Variants in PAX5 observed in about 807,000 individuals in gnomAD.
PAX5 encodes paired box 5, also known as paired box protein Pax-5.
A neutral mutation model predicts 43.7 loss-of-function variants in PAX5; 9 were observed. The ratio of observed to expected loss-of-function variants is 0.21; its 90% CI spans 0.12 to 0.36. The LOEUF (loss-of-function observed/expected upper bound fraction) is 0.36. Ranked by LOEUF, PAX5 falls within the 10% of genes least tolerant of loss-of-function variation. The pLI, the probability that PAX5 is intolerant of heterozygous loss-of-function variation, is 1.00. For missense variants in PAX5, 383 were observed against 532.7 expected (o/e 0.72, Z 2.77); for synonymous variants, 228 against 214.3 (o/e 1.06, Z -0.56).
At chr9:37,000,198 C>G (rs750599316) in intron 5 of PAX5, among the ~76,000 whole-genome samples, 1 of 152,144 alleles carries the variant, frequency 6.6e-6, no homozygotes, top group Non-Finnish European at 1.5e-5. Context: ...TTATGCAATA[C>G]CCCCGACAGA....
chr9:36,989,447 C>T (rs1836741175), intron 5 of PAX5, among the ~76,000 whole-genome samples: 1 of 152,086 alleles, frequency 6.6e-6, no homozygotes, highest in Non-Finnish European at 1.5e-5. Context: ...AGAGTATCCA[C>T]CTGGTACAGT....
At chr9:37,027,292 A>T (rs557617078) in intron 1 of PAX5, among the ~76,000 whole-genome samples, 1 of 152,226 alleles carries the variant, frequency 6.6e-6, no homozygotes, top group African/African-American at 2.4e-5. Context: ...GCCCTCCAAC[A>T]CTGAGACCCG....
chr9:36,886,235 T>C (rs1475799124), intron 7 of PAX5, among the ~76,000 whole-genome samples: 2 of 152,184 alleles, frequency 1.3e-5, no homozygotes, highest in Non-Finnish European at 2.9e-5. Context: ...TGGGGGGCAT[T>C]TGCTAAGCAG....
intron 5 of PAX5, among the ~76,000 whole-genome samples, chr9:36,984,787 A>T (rs1014450595): frequency 6.6e-6 from 1 of 152,136 alleles, no homozygotes; most frequent in Non-Finnish European, 1.5e-5. Flanking sequence ...GGAAAACAGT[A>T]TTGGTACATA....
chr9:37,029,271 G>A (rs1340441813), intron 1 of PAX5, among the ~76,000 whole-genome samples: 1 of 152,104 alleles, frequency 6.6e-6, no homozygotes, highest in Non-Finnish European at 1.5e-5. Context: ...CTCTACGCAT[G>A]CTCTACTTCT....
At chr9:36,962,836 A>C (rs1288467737) in intron 6 of PAX5, among the ~76,000 whole-genome samples, 1 of 152,150 alleles carries the variant, frequency 6.6e-6, no homozygotes, top group Non-Finnish European at 1.5e-5. Context: ...AATCTGCTCG[A>C]AAATGGAAGA....
chr9:36,958,608 G>A (rs902910088), intron 6 of PAX5, among the ~76,000 whole-genome samples: 3 of 152,070 alleles, frequency 2.0e-5, no homozygotes, highest in Non-Finnish European at 2.9e-5. Context: ...CAGCAACGTC[G>A]CTTATACCCT....
At chr9:37,008,156 T>C (rs1739182405) in intron 3 of PAX5, 1 of 152,184 alleles carries the variant, frequency 6.6e-6, no homozygotes, top group Non-Finnish European at 1.5e-5. Context: ...GCCCCTAGGG[T>C]TCAACTGATT....
intron 7 of PAX5, among the ~76,000 whole-genome samples, chr9:36,904,009 A>G (rs546500046): frequency 2.0e-5 from 3 of 152,282 alleles, no homozygotes; most frequent in African/African-American, 7.2e-5. Flanking sequence ...CACCACTTAC[A>G]AGCTGTGTGA....
At chr9:36,981,885 A>G (rs2132280317) in intron 5 of PAX5, among the ~76,000 whole-genome samples, 1 of 152,388 alleles carries the variant, frequency 6.6e-6, no homozygotes, top group Middle Eastern at 3.4e-3. Flanking sequence ...TCCAAGTGAG[A>G]GAGTGCTGTC....
intron 5 of PAX5, among the ~76,000 whole-genome samples, chr9:37,002,420 T>A (rs1437357580): frequency 1.3e-5 from 2 of 152,182 alleles, no homozygotes; most frequent in African/African-American, 4.8e-5. Flanking sequence ...GGGGTGACCA[T>A]GGGGGAGGCC....
At chr9:36,888,830 C>G (rs1281434051) in intron 7 of PAX5, among the ~76,000 whole-genome samples, 9 of 152,184 alleles carry the variant, frequency 5.9e-5, no homozygotes, top group Non-Finnish European at 1.0e-4. Context: ...TCTGCTCTCC[C>G]TTTCACACAG....
At chr9:36,844,254 CT>C (rs940761931) in intron 9 of PAX5, among the ~76,000 whole-genome samples, 3 of 152,172 alleles carry the variant, frequency 2.0e-5, no homozygotes, top group African/African-American at 4.8e-5. Flanking sequence ...GTTGTTCAAA[CT>C]GCGACTCAGT....
chr9:36,974,716 C>G (rs1316488009), intron 5 of PAX5, among the ~76,000 whole-genome samples: 2 of 152,190 alleles, frequency 1.3e-5, no homozygotes, highest in African/African-American at 2.4e-5. Context: ...CTCCATGACA[C>G]TTTAACACGG....
At chr9:36,851,479 A>T (rs1816943167) in intron 8 of PAX5, among the ~76,000 whole-genome samples, 1 of 152,186 alleles carries the variant, frequency 6.6e-6, no homozygotes, top group Non-Finnish European at 1.5e-5. Context: ...AGCGGGATTG[A>T]GATGAAAGAA....
chr9:36,886,784 T>C (rs539839391), intron 7 of PAX5, among the ~76,000 whole-genome samples: 1 of 152,340 alleles, frequency 6.6e-6, no homozygotes, highest in East Asian at 1.9e-4. Context: ...ATGAATCAAT[T>C]TGCATTCCTA....
intron 5 of PAX5, among the ~76,000 whole-genome samples, chr9:36,997,246 G>C (rs999916876): frequency 6.6e-6 from 1 of 152,134 alleles, no homozygotes; most frequent in African/African-American, 2.4e-5. Flanking sequence ...AGCCCAGAAG[G>C]CTGGAAACTC....
At chr9:36,985,457 G>A (rs1171387290) in intron 5 of PAX5, among the ~76,000 whole-genome samples, 2 of 152,216 alleles carry the variant, frequency 1.3e-5, no homozygotes, top group Admixed American at 1.3e-4. Context: ...AAAGAAGAGA[G>A]AAGTCCATTC....
At chr9:36,977,103 G>A (rs1192777015) in intron 5 of PAX5, among the ~76,000 whole-genome samples, 3 of 152,184 alleles carry the variant, frequency 2.0e-5, no homozygotes, top group Non-Finnish European at 4.4e-5. Flanking sequence ...AGCCTGAGAA[G>A]CAGACACAGC....
Sources: allele counts gnomAD v4.1 joint callset (sites outside exome capture counted in the v4.1 genomes callset), GRCh38; gene constraint gnomAD v4.1.1; transcripts MANE v1.5; gene names NCBI Gene and HGNC (gene_info 2026-07-23, HGNC 2026-07-21).